HS6ST3: variants seen among roughly 807,000 people sequenced by gnomAD.
The protein encoded by HS6ST3 is heparan-sulfate 6-O-sulfotransferase 3.
In HS6ST3, 12 loss-of-function variants were observed where a neutral mutation model predicts 36.7. The ratio of observed to expected loss-of-function variants is 0.33; its 90% CI spans 0.21 to 0.53. HS6ST3 has a LOEUF of 0.53. Among genes scored for constraint, HS6ST3 ranks in the 20% least tolerant of loss-of-function variants. The pLI is 0.95. For missense variants in HS6ST3, 584 were observed against 640.9 expected (o/e 0.91, Z 0.96); for synonymous variants, 240 against 257.5 (o/e 0.93, Z 0.65).
chr13:96,354,994 G>C (rs897707796), intron 1 of HS6ST3, among the ~76,000 whole-genome samples: 2 of 151,986 alleles, frequency 1.3e-5, no homozygotes, highest in Non-Finnish European at 2.9e-5. Flanking sequence ...AATATCTTAA[G>C]CAACTAAACA....
intron 1 of HS6ST3, among the ~76,000 whole-genome samples, chr13:96,763,514 T>C (rs1877020186): frequency 6.6e-6 from 1 of 150,554 alleles, no homozygotes; most frequent in Middle Eastern, 3.5e-3. Flanking sequence ...TAATATATAT[T>C]TGTGTAACTG....
intron 1 of HS6ST3, among the ~76,000 whole-genome samples, chr13:96,454,865 A>G (rs1225632273): frequency 3.0e-5 from 3 of 99,828 alleles, no homozygotes; most frequent in African/African-American, 8.1e-5. Flanking sequence ...GAATGATATT[A>G]TTGAACTCTA....
chr13:96,147,209 A>G (rs967774527), intron 1 of HS6ST3, among the ~76,000 whole-genome samples: 2 of 152,210 alleles, frequency 1.3e-5, no homozygotes, highest in African/African-American at 4.8e-5. Flanking sequence ...TGGAGTGAGT[A>G]TCATTCATAA....
chr13:96,259,946 T>TATTTTCATAAAATATTTTCATAAAATATG (rs2054655956), intron 1 of HS6ST3, among the ~76,000 whole-genome samples: 1 of 152,200 alleles, frequency 6.6e-6, no homozygotes, highest in East Asian at 1.9e-4. Context: ...TATGTAGCAA[T>TATTTTCATAAAATATTTTCATAAAATATG]ATTTTTCATA....
chr13:96,340,103 G>A (rs2055122621), intron 1 of HS6ST3, among the ~76,000 whole-genome samples: 1 of 152,220 alleles, frequency 6.6e-6, no homozygotes, highest in Middle Eastern at 3.4e-3. Flanking sequence ...TGTTTTATGG[G>A]CTATTATGTA....
intron 1 of HS6ST3, among the ~76,000 whole-genome samples, chr13:96,395,143 C>G (rs764428438): frequency 2.6e-5 from 4 of 152,074 alleles, no homozygotes; most frequent in African/African-American, 4.8e-5. Context: ...TGGAGAGACT[C>G]TATTCCTTTT....
chr13:96,512,326 C>T, intron 1 of HS6ST3, among the ~76,000 whole-genome samples: 1 of 152,184 alleles, frequency 6.6e-6, no homozygotes, highest in Non-Finnish European at 1.5e-5. Flanking sequence ...AGGGCAAGTG[C>T]CCTGTCTGCT....
chr13:96,569,827 A>T (rs2056294761), intron 1 of HS6ST3, among the ~76,000 whole-genome samples: 2 of 152,184 alleles, frequency 1.3e-5, no homozygotes, highest in African/African-American at 4.8e-5. Context: ...AGTTTGGAGC[A>T]TTTCAATATT....
intron 1 of HS6ST3, among the ~76,000 whole-genome samples, chr13:96,744,298 T>C (rs1369564376): frequency 6.6e-6 from 1 of 152,096 alleles, no homozygotes; most frequent in Non-Finnish European, 1.5e-5. Context: ...AAAGCCAAAC[T>C]TCTAGAAAAC....
intron 1 of HS6ST3, among the ~76,000 whole-genome samples, chr13:96,601,511 G>T (rs1405486080): frequency 6.6e-6 from 1 of 151,598 alleles, no homozygotes; most frequent in East Asian, 1.9e-4. Context: ...TTTCTTATTT[G>T]TATCCTGAAT....
intron 1 of HS6ST3, among the ~76,000 whole-genome samples, chr13:96,458,210 G>T: frequency 6.6e-6 from 1 of 152,058 alleles, no homozygotes; most frequent in East Asian, 1.9e-4. Context: ...CAAGGGTAAT[G>T]GTTGAAAACC....
chr13:96,733,905 C>T (rs1876220048), intron 1 of HS6ST3, among the ~76,000 whole-genome samples: 1 of 152,146 alleles, frequency 6.6e-6, no homozygotes. Flanking sequence ...ACCTCAATTC[C>T]TCCCACTGCC....
At chr13:96,317,381 T>TATAAAATTAC (rs1360117033) in intron 1 of HS6ST3, among the ~76,000 whole-genome samples, 3 of 115,652 alleles carry the variant, frequency 2.6e-5, no homozygotes, top group Non-Finnish European at 5.8e-5. Flanking sequence ...ATTATATATA[T>TATAAAATTAC]ATATATATAT....
intron 1 of HS6ST3, among the ~76,000 whole-genome samples, chr13:96,325,914 T>C (rs2055028488): frequency 6.6e-6 from 1 of 152,190 alleles, no homozygotes; most frequent in Admixed American, 6.6e-5. Flanking sequence ...TAAGATATGG[T>C]AATATATACA....
chr13:96,639,538 TA>T (rs199839539), intron 1 of HS6ST3, among the ~76,000 whole-genome samples: 2 of 149,748 alleles, frequency 1.3e-5, no homozygotes, highest in South Asian at 4.2e-4. Flanking sequence ...AAAAGAGATT[TA>T]AAAAAAATTT....
intron 1 of HS6ST3, among the ~76,000 whole-genome samples, chr13:96,346,991 C>T (rs2055158581): frequency 6.6e-6 from 1 of 152,088 alleles, no homozygotes; most frequent in African/African-American, 2.4e-5. Context: ...GGAGAGCAGC[C>T]TCCAGCCAAC....
At chr13:96,659,681 T>C (rs1224533824) in intron 1 of HS6ST3, among the ~76,000 whole-genome samples, 1 of 152,068 alleles carries the variant, frequency 6.6e-6, no homozygotes, top group Non-Finnish European at 1.5e-5. Flanking sequence ...TAGTATGAAA[T>C]AATGGGGCAA....
chr13:96,389,915 T>G (rs2055387388), intron 1 of HS6ST3, among the ~76,000 whole-genome samples: 1 of 152,192 alleles, frequency 6.6e-6, no homozygotes, highest in Non-Finnish European at 1.5e-5. Flanking sequence ...ATTTTATGTT[T>G]ACTGAGGCCC....
intron 1 of HS6ST3, among the ~76,000 whole-genome samples, chr13:96,410,011 A>G (rs1215903100): frequency 6.6e-6 from 1 of 152,216 alleles, no homozygotes; most frequent in African/African-American, 2.4e-5. Flanking sequence ...TAAATAAAAT[A>G]AAAAGAAATA....
Sources: allele counts gnomAD v4.1 joint callset (sites outside exome capture counted in the v4.1 genomes callset), GRCh38; gene constraint gnomAD v4.1.1; transcripts MANE v1.5; gene names NCBI Gene and HGNC (gene_info 2026-07-23, HGNC 2026-07-21).